MMP16: variants seen among roughly 807,000 people sequenced by gnomAD.
The protein encoded by MMP16 is matrix metalloproteinase-16.
Under a neutral mutation model 67.8 loss-of-function variants are expected in MMP16, and 12 were observed. The ratio of observed to expected loss-of-function variants is 0.18; its 90% CI spans 0.11 to 0.29. The LOEUF (loss-of-function observed/expected upper bound fraction) is 0.29. Among genes scored for constraint, MMP16 ranks in the 10% least tolerant of loss-of-function variants. The pLI is 1.00. For missense variants in MMP16, 475 were observed against 765.7 expected (o/e 0.62, Z 4.48); for synonymous variants, 249 against 255.9 (o/e 0.97, Z 0.26).
chr8:88,212,605 C>T lies in MMP16; in HGVS notation c.133-15299G>A, dbSNP rs1371756371. 3.3e-5 allele frequency among the ~76,000 whole-genome samples: 5 copies of T among 151,922 alleles called. No individual in the cohort carries two copies. In the East Asian group the frequency reaches 9.6e-4, roughly 29 times the overall value. On this transcript the variant is annotated intron_variant, in intron 1 of 9. Transcript: ENST00000286614. The stretch of plus-strand genomic sequence containing the variant: ...GAAAGCAAAACAAACAAAAAATGTC[C>T]CTCTGCTACAACATTATTACTGATT...
chr8:88,115,274 C>A (rs1809408881), intron 6 of MMP16, among the ~76,000 whole-genome samples: 1 of 151,952 alleles, frequency 6.6e-6, no homozygotes, highest in African/African-American at 2.4e-5. Context: ...TGGGCTTAGC[C>A]ACAATGAGTA....
At chr8:88,319,031 T>C (rs1811418166) in intron 1 of MMP16, among the ~76,000 whole-genome samples, 1 of 152,074 alleles carries the variant, frequency 6.6e-6, no homozygotes, top group African/African-American at 2.4e-5. Context: ...AAATCCACGC[T>C]ACAGACAGGC....
At chr8:88,212,895 G>T (rs1230676725) in intron 1 of MMP16, among the ~76,000 whole-genome samples, 1 of 152,126 alleles carries the variant, frequency 6.6e-6, no homozygotes, top group Non-Finnish European at 1.5e-5. Flanking sequence ...GTTTAGATAA[G>T]AAATTATTAA....
chr8:88,169,423 T>C (rs1336034138), intron 3 of MMP16, among the ~76,000 whole-genome samples: 1 of 152,164 alleles, frequency 6.6e-6, no homozygotes, highest in Non-Finnish European at 1.5e-5. Flanking sequence ...ATACCTATTT[T>C]ACCAAAAGCA....
intron 6 of MMP16, among the ~76,000 whole-genome samples, chr8:88,111,649 G>A (rs1449520459): frequency 1.3e-5 from 2 of 151,726 alleles, no homozygotes; most frequent in Non-Finnish European, 2.9e-5. Flanking sequence ...TAGCAGTGCG[G>A]TGGTATGATT....
intron 8 of MMP16, among the ~76,000 whole-genome samples, chr8:88,049,040 G>A (rs934974571): frequency 6.6e-6 from 1 of 152,084 alleles, no homozygotes; most frequent in Non-Finnish European, 1.5e-5. Context: ...GATTGTTTCA[G>A]GAAGTGTACT....
At chr8:88,185,202 T>C (rs950352684) in intron 3 of MMP16, among the ~76,000 whole-genome samples, 4 of 152,296 alleles carry the variant, frequency 2.6e-5, no homozygotes, top group East Asian at 3.9e-4. Context: ...GTCATGCCTG[T>C]AATCCTAGCA....
At chr8:88,161,936 C>G (rs1201278526) in intron 4 of MMP16, among the ~76,000 whole-genome samples, 1 of 152,026 alleles carries the variant, frequency 6.6e-6, no homozygotes, top group Non-Finnish European at 1.5e-5. Context: ...GTTATAATTT[C>G]TGTTCTTTTA....
At chr8:88,256,754 A>AG in intron 1 of MMP16, among the ~76,000 whole-genome samples, 1 of 151,784 alleles carries the variant, frequency 6.6e-6, no homozygotes, top group Non-Finnish European at 1.5e-5. Context: ...TATAACTCAG[A>AG]GGGTCCCTGG....
intron 7 of MMP16, among the ~76,000 whole-genome samples, chr8:88,062,067 T>G (rs2118241773): frequency 6.6e-6 from 1 of 152,242 alleles, no homozygotes; most frequent in South Asian, 2.1e-4. Context: ...TGGCATAGAA[T>G]TCATGGAAAT....
chr8:88,201,916 T>C (rs1391795032), intron 1 of MMP16, among the ~76,000 whole-genome samples: 1 of 152,174 alleles, frequency 6.6e-6, no homozygotes, highest in African/African-American at 2.4e-5. Context: ...GCCTACATTT[T>C]CTCGTCTAAA....
chr8:88,174,656 T>C (rs997548353), intron 3 of MMP16, among the ~76,000 whole-genome samples: 11 of 152,216 alleles, frequency 7.2e-5, no homozygotes, highest in African/African-American at 2.2e-4. Context: ...AACTGGAAAT[T>C]TCCCCCTTAA....
intron 4 of MMP16, among the ~76,000 whole-genome samples, chr8:88,135,073 G>T (rs1222490065): frequency 6.6e-6 from 1 of 150,402 alleles, no homozygotes; most frequent in Non-Finnish European, 1.5e-5. Flanking sequence ...CTTCCTTTGA[G>T]CTACTTTAAA....
intron 4 of MMP16, among the ~76,000 whole-genome samples, chr8:88,138,471 G>A (rs1343131831): frequency 1.3e-5 from 2 of 151,978 alleles, no homozygotes; most frequent in African/African-American, 4.8e-5. Context: ...TCCAGTGCAG[G>A]CTATGAGTTT....
At chr8:88,165,404 T>C (rs1808696182) in intron 4 of MMP16, among the ~76,000 whole-genome samples, 1 of 151,996 alleles carries the variant, frequency 6.6e-6, no homozygotes, top group Non-Finnish European at 1.5e-5. Flanking sequence ...ATTGTTTTAA[T>C]GATTAGATCC....
chr8:88,326,085 T>C (rs887750598), intron 1 of MMP16, among the ~76,000 whole-genome samples: 1 of 152,020 alleles, frequency 6.6e-6, no homozygotes, highest in Non-Finnish European at 1.5e-5. Flanking sequence ...TTATTCATAA[T>C]TCGTTTGAGA....
chr8:88,256,427 T>C (rs1810301572), intron 1 of MMP16, among the ~76,000 whole-genome samples: 1 of 152,146 alleles, frequency 6.6e-6, no homozygotes, highest in Non-Finnish European at 1.5e-5. Context: ...TATGTGGTTA[T>C]GTCACCTACT....
At chr8:88,237,188 G>A (rs1228363902) in intron 1 of MMP16, among the ~76,000 whole-genome samples, 1 of 152,076 alleles carries the variant, frequency 6.6e-6, no homozygotes, top group African/African-American at 2.4e-5. Context: ...CAAAAAGTCT[G>A]ACAACAGTAT....
intron 1 of MMP16, among the ~76,000 whole-genome samples, chr8:88,252,646 C>CAAAAAA (rs10715771): frequency 7.8e-6 from 1 of 128,112 alleles, no homozygotes; most frequent in Non-Finnish European, 1.7e-5. Flanking sequence ...CACCTCTTAG[C>CAAAAAA]AAAAAAAAAA....
Sources: allele counts gnomAD v4.1 joint callset (sites outside exome capture counted in the v4.1 genomes callset), GRCh38; gene constraint gnomAD v4.1.1; transcripts MANE v1.5; gene names NCBI Gene and HGNC (gene_info 2026-07-23, HGNC 2026-07-21).